Variants in AGBL4 observed in about 807,000 individuals in gnomAD.
AGBL4 encodes AGBL carboxypeptidase 4.
In AGBL4, 58 loss-of-function variants were observed where a neutral mutation model predicts 66.4. That is an observed-to-expected ratio of 0.87 (90% confidence interval 0.71 to 1.09). The LOEUF is 1.09. AGBL4 is among the 50% of genes least tolerant of loss of function. The pLI is 0.00. For synonymous variants in AGBL4, 234 were observed against 222.9 expected, an observed-to-expected ratio of 1.05 and a Z score of -0.44; for missense variants, 579 against 631.0, an observed-to-expected ratio of 0.92 and a Z score of 0.88.
intron 3 of AGBL4, among the ~76,000 whole-genome samples, chr1:49,601,087 A>G (rs1365360164): frequency 6.6e-6 from 1 of 152,026 alleles, no homozygotes; most frequent in Non-Finnish European, 1.5e-5. Context: ...AACCTTGGTG[A>G]ATCTGACAAT....
At chr1:49,831,594 C>A (rs1645680779) in intron 2 of AGBL4, among the ~76,000 whole-genome samples, 1 of 152,090 alleles carries the variant, frequency 6.6e-6, no homozygotes, top group Non-Finnish European at 1.5e-5. Flanking sequence ...TATTTGAATA[C>A]CCTTTATTTC....
intron 3 of AGBL4, among the ~76,000 whole-genome samples, chr1:49,658,170 A>C (rs968994842): frequency 2.6e-5 from 4 of 152,154 alleles, no homozygotes; most frequent in Non-Finnish European, 5.9e-5. Flanking sequence ...AGAAAAAAAC[A>C]AACAACCCCA....
intron 3 of AGBL4, among the ~76,000 whole-genome samples, chr1:49,537,552 G>T (rs1432552493): frequency 2.0e-5 from 3 of 152,210 alleles, no homozygotes; most frequent in Non-Finnish European, 2.9e-5. Flanking sequence ...AGAAAAAAAT[G>T]TTCAACATCA....
chr1:48,699,013 T>C (rs1646759091), intron 6 of AGBL4, among the ~76,000 whole-genome samples: 2 of 152,206 alleles, frequency 1.3e-5, no homozygotes, highest in Non-Finnish European at 1.5e-5. Context: ...CTGTGGACCA[T>C]ATATTTCTCT....
chr1:49,844,457 A>C (rs1646085065), intron 2 of AGBL4, among the ~76,000 whole-genome samples: 1 of 150,844 alleles, frequency 6.6e-6, no homozygotes. Flanking sequence ...TCCTTTCCTT[A>C]TTCTGTTCTT....
At chr1:48,629,852 A>T (rs1360401108) in intron 9 of AGBL4, among the ~76,000 whole-genome samples, 1 of 152,136 alleles carries the variant, frequency 6.6e-6, no homozygotes, top group Non-Finnish European at 1.5e-5. Context: ...GGATCAGGGG[A>T]TACTCTGAGG....
intron 3 of AGBL4, among the ~76,000 whole-genome samples, chr1:49,437,007 C>A (rs988739903): frequency 2.6e-5 from 4 of 152,124 alleles, no homozygotes; most frequent in Admixed American, 6.5e-5. Context: ...CTGAACAATT[C>A]AGGCCAAAAG....
At chr1:50,013,809 T>G (rs896950589) in intron 1 of AGBL4, among the ~76,000 whole-genome samples, 3 of 152,204 alleles carry the variant, frequency 2.0e-5, no homozygotes, top group Admixed American at 6.5e-5. Flanking sequence ...TTTAAACATG[T>G]ATAAAGCTGT....
intron 2 of AGBL4, among the ~76,000 whole-genome samples, chr1:49,742,273 C>G (rs1571457487): frequency 6.6e-6 from 1 of 150,456 alleles, no homozygotes; most frequent in African/African-American, 2.4e-5. Context: ...AAACAGAGAG[C>G]CAAATCATGA....
At chr1:49,890,901 T>C (rs1356651390) in intron 1 of AGBL4, among the ~76,000 whole-genome samples, 2 of 152,196 alleles carry the variant, frequency 1.3e-5, no homozygotes, top group African/African-American at 4.8e-5. Flanking sequence ...GTCAATTAAA[T>C]TTGGGGTTCA....
chr1:49,505,105 C>T (rs1054060314), intron 3 of AGBL4, among the ~76,000 whole-genome samples: 5 of 151,954 alleles, frequency 3.3e-5, no homozygotes, highest in Admixed American at 6.6e-5. Context: ...TAACTCTAGT[C>T]ACATGAAATA....
chr1:48,667,553 C>T (rs566192619), intron 6 of AGBL4, among the ~76,000 whole-genome samples: 18 of 152,220 alleles, frequency 1.2e-4, no homozygotes, highest in Non-Finnish European at 2.2e-4. Context: ...ACATTCTTGA[C>T]CCACAGAAAT....
At chr1:49,739,512 C>A (rs904690524) in intron 2 of AGBL4, among the ~76,000 whole-genome samples, 1 of 152,184 alleles carries the variant, frequency 6.6e-6, no homozygotes, top group Non-Finnish European at 1.5e-5. Flanking sequence ...CTTCCCCAAT[C>A]TAGCAAGGCA....
intron 4 of AGBL4, among the ~76,000 whole-genome samples, chr1:49,092,077 G>T (rs1055346550): frequency 1.3e-5 from 2 of 151,956 alleles, no homozygotes; most frequent in African/African-American, 2.4e-5. Context: ...CTACCTATCT[G>T]GTACTGGTAC....
chr1:48,894,196 A>C (rs1347161621), intron 5 of AGBL4, among the ~76,000 whole-genome samples: 1 of 152,250 alleles, frequency 6.6e-6, no homozygotes. Flanking sequence ...GCTATAAGGA[A>C]GTTTATCAAA....
intron 3 of AGBL4, among the ~76,000 whole-genome samples, chr1:49,689,484 A>G (rs182465033): frequency 6.6e-6 from 1 of 152,296 alleles, no homozygotes; most frequent in East Asian, 1.9e-4. Flanking sequence ...GCTCTGCAGT[A>G]TAATTTGAAG....
At chr1:48,809,669 G>T (rs575204941) in intron 6 of AGBL4, among the ~76,000 whole-genome samples, 1 of 152,250 alleles carries the variant, frequency 6.6e-6, no homozygotes, top group South Asian at 2.1e-4. Context: ...AACCTCATTT[G>T]TGCCTGCAGG....
At chr1:48,758,472 C>T (rs773810115) in intron 6 of AGBL4, among the ~76,000 whole-genome samples, 1 of 152,204 alleles carries the variant, frequency 6.6e-6, no homozygotes, top group South Asian at 2.1e-4. Context: ...ATTCTCATAT[C>T]ATTTTGTCAG....
chr1:48,839,471 G>A (rs1213131640), intron 6 of AGBL4, among the ~76,000 whole-genome samples: 1 of 152,078 alleles, frequency 6.6e-6, no homozygotes, highest in Non-Finnish European at 1.5e-5. Flanking sequence ...AATAAGCCAA[G>A]TACAGAAAGA....
Sources: gnomAD v4.1 joint callset for allele counts (sites outside exome capture counted in the v4.1 genomes callset) on GRCh38, gnomAD v4.1.1 for gene constraint, MANE v1.5 for transcripts, NCBI Gene and HGNC (gene_info 2026-07-23, HGNC 2026-07-21) for gene names.